Variants in IL17RD observed in about 807,000 individuals in gnomAD.
The protein encoded by IL17RD is interleukin-17 receptor D.
In IL17RD, 52 loss-of-function variants were observed where a neutral mutation model predicts 80.5. The observed-to-expected ratio is 0.65, with a 90% confidence interval of 0.52 to 0.81. The LOEUF (loss-of-function observed/expected upper bound fraction) is 0.81. IL17RD is among the 40% of genes least tolerant of loss of function. IL17RD has a pLI of 0.00. For synonymous variants in IL17RD, 416 were observed against 391.8 expected, an observed-to-expected ratio of 1.06 and a Z score of -0.73; for missense variants, 1,024 against 955.1, an observed-to-expected ratio of 1.07 and a Z score of -0.95.
At chr3:57,126,278 C>T (rs112328317) in intron 1 of IL17RD, among the ~76,000 whole-genome samples, 19 of 152,314 alleles carry the variant, frequency 1.2e-4, no homozygotes, top group African/African-American at 4.3e-4. Flanking sequence ...CAGCAAGCCC[C>T]GGCTGTCTGG....
Position 57,165,117 on chromosome 3 carries a change from C to G in IL17RD, c.126+44G>C, listed in dbSNP as rs867608771. 13 of 1,480,930 alleles carry G rather than the reference C, an allele frequency of 8.8e-6. 1 individual carries two copies. Among genetic ancestry groups the G allele is most frequent in the Middle Eastern group, 4.5e-4 (2 of 4,414 alleles). The allele number at this position is 1,480,930 out of a possible 1,614,324, so 91.7% of individuals were successfully genotyped here. ...GCGAGCACCTGTGCGCGCTGCGTCC[C>G]CCGCGAGTTGGCGACGGCAAGAAAC... On this transcript the variant is annotated intron_variant, in intron 1 of 12. Transcript: ENST00000296318.
At chr3:57,128,960 A>T (rs1489164067) in intron 1 of IL17RD, among the ~76,000 whole-genome samples, 1 of 152,188 alleles carries the variant, frequency 6.6e-6, no homozygotes, top group Admixed American at 6.5e-5. Flanking sequence ...TCACAAATAG[A>T]CAGGATTGTT....
chr3:57,158,175 G>A (rs1227569650), intron 1 of IL17RD, among the ~76,000 whole-genome samples: 2 of 151,980 alleles, frequency 1.3e-5, no homozygotes, highest in Admixed American at 6.6e-5. Context: ...GGCTTTTCTG[G>A]TACGTTCAAG....
intron 3 of IL17RD, among the ~76,000 whole-genome samples, chr3:57,111,756 G>C (rs931678456): frequency 2.1e-4 from 32 of 151,666 alleles, no homozygotes; most frequent in Non-Finnish European, 1.0e-4. Context: ...GAATCACAAG[G>C]TCAGGAGATT....
In IL17RD at chr3:57,097,661, C is replaced by T; in HGVS notation, c.2042G>A (p.Gly681Glu). The T allele has an allele frequency of 6.2e-7, 1 of 1,603,452 alleles. No individual in the cohort carries two copies. The highest frequency in any genetic ancestry group is 8.5e-7 in the Non-Finnish European group (1 of 1,175,358). The change falls in exon 12 of 13, where the codon GGA becomes GAA. Residue 681 changes from glycine to glutamate, a missense_variant. Physicochemically the swap from Gly to Glu is moderately conservative, Grantham distance 98. Transcript: ENST00000296318. Reference protein sequence around the residue: ...SSELSLPLMEGLSTDQTETSS... With the variant: ...SSELSLPLMEELSTDQTETSS... ...CGTTTCTGTCTGGTCCGTCGAGAGT[C>T]CTTCCATCAGTGGCAGAGACAGCTC...
chr3:57,151,360 G>C (rs1047114824), intron 1 of IL17RD, among the ~76,000 whole-genome samples: 1 of 152,150 alleles, frequency 6.6e-6, no homozygotes, highest in South Asian at 2.1e-4. Flanking sequence ...CAAAAACAGA[G>C]GCACAGGTTA....
chr3:57,145,074 G>A (rs918386236), intron 1 of IL17RD, among the ~76,000 whole-genome samples: 1 of 152,184 alleles, frequency 6.6e-6, no homozygotes, highest in Non-Finnish European at 1.5e-5. Context: ...TTCTGTATCT[G>A]TGACTGCCTT....
At chr3:57,116,505 G>A (rs537005203) in intron 2 of IL17RD, among the ~76,000 whole-genome samples, 19 of 151,860 alleles carry the variant, frequency 1.3e-4, no homozygotes, top group East Asian at 1.2e-3. Flanking sequence ...GGCTGGTCTC[G>A]AACTCCCGAC....
intron 1 of IL17RD, among the ~76,000 whole-genome samples, chr3:57,124,250 G>A (rs1490887239): frequency 6.6e-6 from 1 of 152,138 alleles, no homozygotes; most frequent in Non-Finnish European, 1.5e-5. Flanking sequence ...TTACACCTCA[G>A]GATAGGTAGA....
Position 57,134,243 on chromosome 3 carries a change from C to T in IL17RD, c.127-13930G>A, listed in dbSNP as rs564841681. On this transcript the variant is annotated intron_variant, in intron 1 of 12. Coordinates refer to ENST00000296318, the MANE Select transcript of IL17RD (RefSeq NM_017563.5). ...AGACCAATGAAATCGCCAATGCCAA[C>T]TTCCATCAGCAGATCCAGAAGCTGA... 476 of 691,622 alleles carry T rather than the reference C, an allele frequency of 6.9e-4. 2 individuals carry two copies. Among genetic ancestry groups the T allele is most frequent in the Admixed American group, 2.4e-3 (134 of 56,146 alleles). 42.8% of individuals were successfully genotyped at this position (691,622 alleles called of 1,614,324 possible). A position where few individuals can be genotyped will look rare whatever the true frequency, so the allele number is the denominator to read the frequency against.
chr3:57,101,103 G>T, intron 11 of IL17RD, 76 bp downstream of exon 11: 4 of 1,124,268 alleles, frequency 3.6e-6, no homozygotes, highest in Non-Finnish European at 5.2e-6. Context: ...GCCCAGAAGA[G>T]AGGAGAAGGC....
chr3:57,129,144 A>T (rs114198191), intron 1 of IL17RD, among the ~76,000 whole-genome samples: 1,998 of 152,232 alleles, frequency 0.013, 30 homozygotes, highest in African/African-American at 0.044. Context: ...TTTAAAAAGC[A>T]TACACAGACT....
intron 1 of IL17RD, among the ~76,000 whole-genome samples, chr3:57,163,360 G>C (rs902463093): frequency 6.6e-6 from 1 of 152,144 alleles, no homozygotes; most frequent in Non-Finnish European, 1.5e-5. Flanking sequence ...ACCATTTTAT[G>C]AGGGTGCAGG....
At chr3:57,162,101 C>T (rs1424359117) in intron 1 of IL17RD, among the ~76,000 whole-genome samples, 1 of 152,232 alleles carries the variant, frequency 6.6e-6, no homozygotes, top group Non-Finnish European at 1.5e-5. Flanking sequence ...GGAGCAGCCC[C>T]GAAGGGTCTG....
At position 57,127,690 on chromosome 3, in the gene IL17RD, A is replaced by G. The variant is rs1334986828; in HGVS notation, c.127-7377T>C. ...CCAAAGTGCTGGGATTACAGGCGTG[A>G]GCCACCAAGCCCAGCCATACTTTCT... is the stretch of plus-strand genomic sequence containing the variant. On this transcript the variant is annotated intron_variant, in intron 1 of 12. Coordinates refer to ENST00000296318, the MANE Select transcript of IL17RD (RefSeq NM_017563.5). 2.0e-5 allele frequency among the ~76,000 whole-genome samples: 3 copies of G among 152,048 alleles called. No individual in the cohort carries two copies. The East Asian group carries it at 5.8e-4, about 29-fold the overall frequency.
chr3:57,135,118 AAAACAAAC>A (rs199700566), intron 1 of IL17RD, among the ~76,000 whole-genome samples: 2 of 150,436 alleles, frequency 1.3e-5, no homozygotes, highest in African/African-American at 5.0e-5. Flanking sequence ...AAAACAAACA[AAAACAAAC>A]AAACAAACAA....
intron 1 of IL17RD, among the ~76,000 whole-genome samples, chr3:57,130,684 CA>C (rs753023345): frequency 5.1e-4 from 78 of 152,260 alleles, no homozygotes; most frequent in Middle Eastern, 3.4e-3. Flanking sequence ...CTGCCCGGCC[CA>C]GGGGTGACAC....
At chr3:57,147,650 T>A (rs1237532365) in intron 1 of IL17RD, among the ~76,000 whole-genome samples, 1 of 152,104 alleles carries the variant, frequency 6.6e-6, no homozygotes, top group Admixed American at 6.5e-5. Flanking sequence ...AAATGCCTCA[T>A]CAAATGTGGG....
Position 57,097,826 on chromosome 3 carries a change from C to T in IL17RD, c.1877G>A (p.Gly626Asp). The T allele has an allele frequency of 6.2e-7, 1 of 1,610,422 alleles. No homozygotes were observed. Among genetic ancestry groups the T allele is most frequent in the Non-Finnish European group, 8.5e-7 (1 of 1,178,416 alleles). ...CCGGGCCTCCCCGTCTTGGTCCAGG[C>T]CCCCATGCTGACTCTCGTGCTGGGA... Reference protein sequence around the residue: ...ADSQHESQHGGLDQDGEARPA... With the variant: ...ADSQHESQHGDLDQDGEARPA... The change falls in exon 12 of 13, where the codon GGC becomes GAC. Residue 626 changes from glycine to aspartate, a missense_variant. By Grantham distance (94) the Gly-to-Asp change is moderately conservative. Coordinates refer to ENST00000296318, the MANE Select transcript of IL17RD (RefSeq NM_017563.5).
Sources: gnomAD v4.1 joint callset for allele counts (sites outside exome capture counted in the v4.1 genomes callset) on GRCh38, gnomAD v4.1.1 for gene constraint, MANE v1.5 for transcripts, NCBI Gene and HGNC (gene_info 2026-07-23, HGNC 2026-07-21) for gene names.